Variants in CSMD2 observed in about 807,000 individuals in gnomAD.
The protein encoded by CSMD2 is CUB and sushi domain-containing protein 2.
A neutral mutation model predicts 398.5 loss-of-function variants in CSMD2; 130 were observed. The observed-to-expected ratio is 0.33, with a 90% CI of 0.28 to 0.38. The LOEUF is 0.38. CSMD2 is among the 10% of genes least tolerant of loss of function. CSMD2 has a pLI of 1.00. For synonymous variants in CSMD2, 1,828 were observed against 1,908.5 expected (o/e 0.96, Z 1.10); for missense variants, 3,829 against 4,764.9 (o/e 0.80, Z 5.78).
chr1:33,953,979 C>T (rs993178735), intron 3 of CSMD2, among the ~76,000 whole-genome samples: 5 of 152,132 alleles, frequency 3.3e-5, no homozygotes, highest in African/African-American at 1.2e-4. Context: ...TCCAATCCCC[C>T]ATGCTATCAT....
intron 12 of CSMD2, among the ~76,000 whole-genome samples, chr1:33,783,449 C>G (rs1653074330): frequency 6.9e-6 from 1 of 144,784 alleles, no homozygotes; most frequent in African/African-American, 2.8e-5. Context: ...CTCTCTCTCT[C>G]TCTCTCTCTC....
At chr1:33,771,188 G>A (rs1651207874) in intron 13 of CSMD2, among the ~76,000 whole-genome samples, 1 of 152,128 alleles carries the variant, frequency 6.6e-6, no homozygotes, top group Admixed American at 6.5e-5. Context: ...GGCACCTGGG[G>A]CTCCCACTGT....
At chr1:33,654,752 T>C (rs929955672) in intron 27 of CSMD2, among the ~76,000 whole-genome samples, 9 of 152,240 alleles carry the variant, frequency 5.9e-5, no homozygotes, top group African/African-American at 2.2e-4. Flanking sequence ...GTCCCAACTC[T>C]GGGGAAATCT....
chr1:34,159,177 T>G (rs1641081369), intron 1 of CSMD2, among the ~76,000 whole-genome samples: 2 of 152,200 alleles, frequency 1.3e-5, no homozygotes, highest in African/African-American at 4.8e-5. Context: ...TTTAGGGAAA[T>G]GAGACAGATA....
chr1:33,788,430 C>T (rs187229601), intron 12 of CSMD2, among the ~76,000 whole-genome samples, 170 bp downstream of exon 12: 1 of 151,474 alleles, frequency 6.6e-6, no homozygotes, highest in Non-Finnish European at 1.5e-5. Flanking sequence ...ATCACTTGAA[C>T]CTGGGAGGCG....
intron 2 of CSMD2, among the ~76,000 whole-genome samples, chr1:34,086,494 TG>T (rs1177323152): frequency 1.3e-5 from 2 of 152,240 alleles, no homozygotes; most frequent in African/African-American, 2.4e-5. Flanking sequence ...CAGCTCCTCC[TG>T]TTGCTGTCCC....
intron 5 of CSMD2, among the ~76,000 whole-genome samples, chr1:33,886,456 C>A (rs1261123041): frequency 6.6e-6 from 1 of 152,218 alleles, no homozygotes; most frequent in Non-Finnish European, 1.5e-5. Flanking sequence ...GAGCAGATGA[C>A]AACCACCCTG....
intron 25 of CSMD2, among the ~76,000 whole-genome samples, chr1:33,686,083 C>T (rs978189533): frequency 2.0e-5 from 3 of 152,144 alleles, no homozygotes; most frequent in Non-Finnish European, 4.4e-5. Context: ...TTCTGGGCCT[C>T]GATGATCTCA....
intron 13 of CSMD2, among the ~76,000 whole-genome samples, chr1:33,762,498 G>A (rs1189241441): frequency 2.6e-5 from 4 of 152,208 alleles, no homozygotes; most frequent in East Asian, 3.9e-4. Flanking sequence ...CCTCTTCCAC[G>A]CAGGTAGCTG....
In CSMD2 at chr1:33,557,752, G is replaced by T. The variant is rs773871076; in HGVS notation, c.8725C>A (p.Pro2909Thr). Residue 2909 changes from proline (P) to threonine (T), a missense_variant, in exon 55 of 71, where the codon CCC becomes ACC. Pro to Thr is a conservative substitution (Grantham distance 38). Transcript: ENST00000373381. ...TACTTACAGAGACACTGGGGGCGGG[G>T]ACGGTCCCATGTGCCATCTCCCTGG... Reference protein sequence around the residue: ...SCQGDGTWDRPRPQCLLVSCG... With the variant: ...SCQGDGTWDRTRPQCLLVSCG... The T allele has an allele frequency of 7.8e-6, 12 of 1,536,034 alleles. No homozygotes were observed. Among genetic ancestry groups the T allele is most frequent in the Non-Finnish European group, 1.0e-5 (12 of 1,146,884 alleles).
In CSMD2 at chr1:33,557,846, G is replaced by A; in HGVS notation, c.8631C>T (p.Ser2877=). 6.5e-7 allele frequency: 1 copy of A among 1,536,132 alleles called. No homozygotes were observed. Among genetic ancestry groups the A allele is most frequent in the Non-Finnish European group, 8.7e-7 (1 of 1,146,898 alleles). ...ACCGGTAAGACACAGTGGTGCCGAA[G>A]CTGAACCTGTGCGGGCCGCTGGCGT... ...QVHASGPHRF[S]FGTTVSYRCN... is the part of the protein sequence containing the mutation. Residue 2877 remains serine, a synonymous_variant, in exon 55 of 71, where the codon AGC becomes AGT. Coordinates refer to ENST00000373381, the MANE Select transcript of CSMD2 (RefSeq NM_001281956.2).
chr1:34,104,227 T>C (rs1034201868), intron 1 of CSMD2, among the ~76,000 whole-genome samples: 2 of 152,232 alleles, frequency 1.3e-5, no homozygotes, highest in African/African-American at 2.4e-5. Flanking sequence ...TTTTATGATA[T>C]ACAGAAAACC....
chr1:33,645,886 G>A (rs1478485015), intron 29 of CSMD2, among the ~76,000 whole-genome samples: 1 of 152,228 alleles, frequency 6.6e-6, no homozygotes, highest in Non-Finnish European at 1.5e-5. Flanking sequence ...ACTGGGCAGG[G>A]ACAGCCTGTT....
intron 3 of CSMD2, among the ~76,000 whole-genome samples, chr1:33,985,816 T>C (rs1407332937): frequency 2.6e-5 from 4 of 152,126 alleles, no homozygotes; most frequent in Non-Finnish European, 5.9e-5. Context: ...CTCCAGTCTA[T>C]AGAGCGGAGG....
intron 13 of CSMD2, among the ~76,000 whole-genome samples, chr1:33,756,376 T>C (rs1177064984): frequency 6.6e-6 from 1 of 151,726 alleles, no homozygotes; most frequent in East Asian, 1.9e-4. Context: ...GCCACCAAGA[T>C]GGATAAGCAA....
intron 5 of CSMD2, among the ~76,000 whole-genome samples, chr1:33,905,167 A>T (rs1057406511): frequency 6.6e-6 from 1 of 152,132 alleles, no homozygotes; most frequent in Non-Finnish European, 1.5e-5. Flanking sequence ...GAGGACTGAA[A>T]ATTTAAATCA....
At chr1:33,935,720 C>A (rs1644458369) in intron 4 of CSMD2, 40 bp downstream of exon 4, 3 of 1,548,546 alleles carry the variant, frequency 1.9e-6, no homozygotes, top group African/African-American at 1.4e-5. Context: ...CACCTCCCAG[C>A]CACTGCCCCA....
In CSMD2 at chr1:33,537,581, C is replaced by T. The variant is rs376013872; in HGVS notation, c.9660G>A (p.Pro3220=). Residue 3220 remains proline, a synonymous_variant, in exon 61 of 71, where the codon CCG becomes CCA. Coordinates refer to ENST00000373381, the MANE Select transcript of CSMD2 (RefSeq NM_001281956.2). This position sits in a 1 kb window ranked among gnomAD's most constrained non-coding sequence, Gnocchi z 4.6. The part of the protein sequence containing the change: ...FPVFCGDPGV[P]SRGRREDRGF... ...CTCGGTCCTCTCTCCTCCCACGGGA[C>T]GGGACACCAGGATCCCCGCAGAACA... The T allele has an allele frequency of 2.8e-4, 450 of 1,613,868 alleles. 1 individual carries two copies. Among genetic ancestry groups the T allele is most frequent in the Middle Eastern group, 3.3e-4 (2 of 6,060 alleles).
At chr1:34,087,850 G>A (rs1194212685) in intron 2 of CSMD2, among the ~76,000 whole-genome samples, 1 of 152,130 alleles carries the variant, frequency 6.6e-6, no homozygotes, top group East Asian at 1.9e-4. Context: ...TGAAATATTT[G>A]TGGAATGAAT....
Sources: allele counts gnomAD v4.1 joint callset (sites outside exome capture counted in the v4.1 genomes callset), GRCh38; gene constraint gnomAD v4.1.1; non-coding constraint Gnocchi (gnomAD v3.1); transcripts MANE v1.5; gene names NCBI Gene and HGNC (gene_info 2026-07-23, HGNC 2026-07-21).